The following ZNF469 variants were observed in gnomAD, a reference collection of about 807,000 sequenced individuals.
The protein encoded by ZNF469 is zinc finger protein 469.
A neutral mutation model predicts 1.0 loss-of-function variants in ZNF469; 1 was observed. The ratio of observed to expected loss-of-function variants is 1.00; its 90% CI spans 0.35 to 4.73. The LOEUF (loss-of-function observed/expected upper bound fraction) is 4.73. ZNF469 is among the 30% of genes most tolerant of loss of function. The pLI is 0.16. For synonymous variants in ZNF469, 2,703 were observed against 2,363.4 expected (o/e 1.14, Z -4.17); for missense variants, 6,100 against 5,356.3 (o/e 1.14, Z -4.33).
At chr16:88,246,628 A>G in the ZNF469 span, among the ~76,000 whole-genome samples, 2 of 152,244 alleles carry the variant, frequency 1.3e-5, no homozygotes, top group African/African-American at 2.4e-5. Flanking sequence ...AAGCCCAGGA[A>G]TTTACATTTT....
the ZNF469 span, among the ~76,000 whole-genome samples, chr16:88,107,095 C>A: frequency 6.6e-6 from 1 of 152,148 alleles, no homozygotes; most frequent in Non-Finnish European, 1.5e-5. Flanking sequence ...CTCAGGCCCG[C>A]ACGGGAGGTG....
the ZNF469 span, among the ~76,000 whole-genome samples, chr16:88,231,667 C>G: frequency 6.6e-6 from 1 of 152,192 alleles, no homozygotes; most frequent in Non-Finnish European, 1.5e-5. This position sits in a 1 kb window ranked among gnomAD's most constrained non-coding sequence, Gnocchi z 4.5. Context: ...CCATTTCTCT[C>G]TGACTCTGTG....
chr16:88,177,853 A>T, the ZNF469 span: 5 of 152,154 alleles, frequency 3.3e-5, no homozygotes, highest in African/African-American at 1.2e-4. The surrounding 1 kb of genome is among the most constrained non-coding windows in gnomAD (Gnocchi z 4.8). Context: ...GACTACAAGC[A>T]TGCACCACCA....
chr16:88,437,117 G>A lies in ZNF469; in HGVS notation c.9647G>A (p.Gly3216Glu). Residue 3216 changes from glycine (G) to glutamate (E), a missense_variant, in exon 3 of 3, where the codon GGA becomes GAA. By Grantham distance (98) the Gly-to-Glu change is moderately conservative. Transcript: ENST00000565624. ...CGGAGGTCCTTGGGGGACCTGCCCG[G>A]AGGCCTGGAGGGCAGCAGCGCTGTC... ...QARRSLGDLP[G>E]GLEGSSAVAH... 6.5e-7 allele frequency: 1 copy of A among 1,548,060 alleles called. No homozygotes were observed. Among genetic ancestry groups the A allele is most frequent in the Middle Eastern group, 1.7e-4 (1 of 5,988 alleles).
At chr16:88,417,630 GAGA>G (rs935618375) in intron 1 of ZNF469, among the ~76,000 whole-genome samples, 1 of 152,238 alleles carries the variant, frequency 6.6e-6, no homozygotes, top group African/African-American at 2.4e-5. Flanking sequence ...TTGGGCAGGG[GAGA>G]AGGACCCTCA....
chr16:88,240,277 T>G, the ZNF469 span, among the ~76,000 whole-genome samples: 1 of 152,140 alleles, frequency 6.6e-6, no homozygotes, highest in Non-Finnish European at 1.5e-5. Context: ...CAGAAATGAG[T>G]CACTTAAGGA....
the ZNF469 span, among the ~76,000 whole-genome samples, chr16:88,199,981 C>G: frequency 7.9e-5 from 12 of 152,346 alleles, no homozygotes; most frequent in South Asian, 2.5e-3. Flanking sequence ...GCCCTTCATG[C>G]CGGGCTCACC....
At chr16:88,400,945 C>T (rs566164399) in intron 1 of ZNF469, among the ~76,000 whole-genome samples, 25 of 152,106 alleles carry the variant, frequency 1.6e-4, no homozygotes, top group African/African-American at 5.8e-4. Flanking sequence ...CGCTGAACAA[C>T]AGGCCAGGGG....
chr16:88,387,164 C>T (rs4782514), intron 1 of ZNF469, among the ~76,000 whole-genome samples: 103,553 of 152,120 alleles, frequency 0.68, 36,044 homozygotes, highest in African/African-American at 0.82. Flanking sequence ...GGGTCAGGTG[C>T]GGACGCCGTC....
the ZNF469 span, among the ~76,000 whole-genome samples, chr16:88,268,486 G>A: frequency 6.6e-6 from 1 of 152,242 alleles, no homozygotes; most frequent in Non-Finnish European, 1.5e-5. Context: ...GACCTTGACA[G>A]TTTTGAAGAG....
At chr16:88,290,955 C>T in the ZNF469 span, among the ~76,000 whole-genome samples, 1 of 152,180 alleles carries the variant, frequency 6.6e-6, no homozygotes, top group African/African-American at 2.4e-5. Context: ...CAGATCGGAG[C>T]GCGTCAGCCT....
the ZNF469 span, among the ~76,000 whole-genome samples, chr16:88,180,604 T>G: frequency 6.6e-6 from 1 of 152,208 alleles, no homozygotes; most frequent in East Asian, 1.9e-4. Context: ...AAACCCTGTC[T>G]CTACTAAAAA....
At position 88,430,347 on chromosome 16, in the gene ZNF469, CTCGGGCGGCGCAGCAGAGGGGTCGGGG is replaced by C; in HGVS notation, c.2888_2914del (p.Ala963_Gly971del). The C allele has an allele frequency of 6.6e-7, 1 of 1,513,948 alleles. No individual in the cohort carries two copies. Among genetic ancestry groups the C allele is most frequent in the Non-Finnish European group, 8.8e-7 (1 of 1,135,662 alleles). 93.8% of individuals were successfully genotyped at this position (1,513,948 alleles called of 1,614,324 possible). A position where few individuals can be genotyped will look rare whatever the true frequency, so the allele number is the denominator to read the frequency against. Reference sequence around the variant, plus strand: ...TGAAGCTGTTCCGGAAGGATCTGGACTCGGGCGGCGCAGCAGAGGGGTCGGGGTCGGGCGGCGGCGGCAGAGCCTCCG... The same window carrying C: ...TGAAGCTGTTCCGGAAGGATCTGGACTCGGGCGGCGGCGGCAGAGCCTCCG... On this transcript the variant is annotated inframe_deletion, in exon 3 of 3. Coordinates refer to ENST00000565624, the MANE Select transcript of ZNF469 (RefSeq NM_001367624.2).
the ZNF469 span, among the ~76,000 whole-genome samples, chr16:88,167,719 G>A: frequency 2.0e-5 from 3 of 152,180 alleles, no homozygotes; most frequent in South Asian, 2.1e-4. Context: ...TCAAGGGGGC[G>A]CCCATCCCGG....
the ZNF469 span, among the ~76,000 whole-genome samples, chr16:88,284,628 A>AC: frequency 6.6e-6 from 1 of 151,484 alleles, no homozygotes; most frequent in Non-Finnish European, 1.5e-5. Flanking sequence ...AAAAAAAAAA[A>AC]AAGAACAGGC....
At position 88,439,005 on chromosome 16, in the gene ZNF469, C is replaced by T; in HGVS notation, c.11535C>T (p.Pro3845=). The T allele has an allele frequency of 6.4e-7, 1 of 1,550,430 alleles. No individual in the cohort carries two copies. Among genetic ancestry groups the T allele is most frequent in the Non-Finnish European group, 8.7e-7 (1 of 1,146,970 alleles). ...CCCCCTCAGCCCCTGACAAGCCCCCCCGGACCCCTCGGAAGCAGGCAACTC... is the reference window on the plus strand; with the variant it reads ...CCCCCTCAGCCCCTGACAAGCCCCCTCGGACCCCTCGGAAGCAGGCAACTC... ...GRAPSAPDKP[P]RTPRKQATPS... The change falls in exon 3 of 3, where the codon CCC becomes CCT. Residue 3845 remains proline (P), a synonymous_variant. Transcript: ENST00000565624.
chr16:88,373,137 T>C, the ZNF469 span, among the ~76,000 whole-genome samples: 4 of 152,252 alleles, frequency 2.6e-5, no homozygotes. Context: ...GTTTGAGGTG[T>C]CAACCTCTAT....
the ZNF469 span, among the ~76,000 whole-genome samples, chr16:88,293,380 G>A: frequency 6.6e-6 from 1 of 151,808 alleles, no homozygotes; most frequent in South Asian, 2.1e-4. Context: ...TGGATGAATG[G>A]ATAGTTAGGT....
chr16:88,331,234 C>T, the ZNF469 span, among the ~76,000 whole-genome samples: 32 of 145,034 alleles, frequency 2.2e-4, no homozygotes, highest in African/African-American at 6.5e-4. Context: ...ACCACCATCA[C>T]CACCATCACC....
Sources: allele counts gnomAD v4.1 joint callset (sites outside exome capture counted in the v4.1 genomes callset), GRCh38; gene constraint gnomAD v4.1.1; non-coding constraint Gnocchi (gnomAD v3.1); transcripts MANE v1.5; gene names NCBI Gene and HGNC (gene_info 2026-07-23, HGNC 2026-07-21).